Variants in TMCO5A observed in about 807,000 individuals in gnomAD.
TMCO5A encodes transmembrane and coiled-coil domains 5A, also known as transmembrane and coiled-coil domain-containing protein 5A.
TMCO5A carries 34 observed loss-of-function variants against 42.3 expected under a neutral mutation model. That is an observed-to-expected ratio of 0.80 (90% CI 0.61 to 1.07). The LOEUF is 1.07. Ranked by LOEUF, TMCO5A falls within the 50% of genes least tolerant of loss-of-function variation. TMCO5A has a pLI of 0.00. For missense variants in TMCO5A, 357 were observed against 327.9 expected, an observed-to-expected ratio of 1.09 and a Z score of -0.69; for synonymous variants, 131 against 115.6, an observed-to-expected ratio of 1.13 and a Z score of -0.86.
chr15:37,973,717 G>T, the TMCO5A span, among the ~76,000 whole-genome samples: 3 of 152,194 alleles, frequency 2.0e-5, no homozygotes, highest in Non-Finnish European at 2.9e-5. Context: ...TACAAAAGGA[G>T]ATAGTTTGAC....
intron 11 of TMCO5A, among the ~76,000 whole-genome samples, chr15:37,957,424 A>C (rs1053458644): frequency 7.2e-6 from 1 of 139,688 alleles, no homozygotes; most frequent in Non-Finnish European, 1.5e-5. Context: ...TGCAAAAATC[A>C]CAAGCATTCC....
chr15:37,936,731 T>G, intron 3 of TMCO5A, 116 bp from the exon 4 acceptor site: 1 of 1,430,812 alleles, frequency 7.0e-7, no homozygotes, highest in Non-Finnish European at 9.3e-7. Context: ...GGAAGAGTTT[T>G]CAGCTTGAGA....
the TMCO5A span, among the ~76,000 whole-genome samples, chr15:37,975,370 A>G: frequency 1.3e-5 from 2 of 152,140 alleles, no homozygotes; most frequent in East Asian, 1.9e-4. Flanking sequence ...TTGGTTATCT[A>G]AGTCTCTTTG....
the TMCO5A span, among the ~76,000 whole-genome samples, chr15:38,015,891 G>T: frequency 2.0e-5 from 3 of 152,202 alleles, no homozygotes; most frequent in African/African-American, 7.2e-5. Context: ...ATCAGTGGCT[G>T]CCCAGGGTTG....
At chr15:38,001,434 T>G in the TMCO5A span, among the ~76,000 whole-genome samples, 1 of 141,050 alleles carries the variant, frequency 7.1e-6, no homozygotes, top group Non-Finnish European at 1.5e-5. Context: ...TCATTGGATC[T>G]TGTTTTTTTT....
the TMCO5A span, among the ~76,000 whole-genome samples, chr15:37,976,039 T>C: frequency 6.7e-6 from 1 of 149,390 alleles, no homozygotes; most frequent in Non-Finnish European, 1.5e-5. Context: ...AGGTCAGGAG[T>C]TTGCGACTAG....
intron 11 of TMCO5A, among the ~76,000 whole-genome samples, chr15:37,959,179 T>C (rs946687386): frequency 2.6e-5 from 4 of 152,000 alleles, no homozygotes; most frequent in African/African-American, 9.7e-5. Context: ...TATGGGTTGA[T>C]GGGTGCAGCA....
chr15:37,966,791 C>T, exon 12 of TMCO5A: 1 of 681,128 alleles, frequency 1.5e-6, no homozygotes, highest in Non-Finnish European at 2.7e-6. Flanking sequence ...CCCTGTCCCA[C>T]AGTCAATGTG....
the TMCO5A span, among the ~76,000 whole-genome samples, chr15:37,986,896 T>A: frequency 1.4e-4 from 21 of 152,212 alleles, no homozygotes; most frequent in African/African-American, 5.1e-4. Flanking sequence ...CTTCAAGATT[T>A]TCCTTTCAAT....
intron 11 of TMCO5A, among the ~76,000 whole-genome samples, chr15:37,948,223 A>T (rs532515903): frequency 1.4e-4 from 21 of 152,234 alleles, no homozygotes; most frequent in Admixed American, 1.1e-3. Context: ...CTGAGTAGAT[A>T]TTCATCCTGA....
At chr15:37,972,287 A>G (rs546066333), downstream of TMCO5A, among the ~76,000 whole-genome samples, 15 of 152,264 alleles carry the variant, frequency 9.9e-5, no homozygotes, top group South Asian at 2.3e-3. Flanking sequence ...GACAGCATGG[A>G]AAAGACCTGC....
the TMCO5A span, among the ~76,000 whole-genome samples, chr15:38,019,569 A>C: frequency 0.03 from 4,631 of 152,062 alleles, 254 homozygotes; most frequent in African/African-American, 0.11. Context: ...AACCTCCCCC[A>C]CTGTCAGCAT....
the TMCO5A span, among the ~76,000 whole-genome samples, chr15:38,022,251 C>T: frequency 6.6e-6 from 1 of 152,126 alleles, no homozygotes; most frequent in Non-Finnish European, 1.5e-5. Context: ...TTGGAAGCAA[C>T]CAAGATGGCT....
At chr15:37,985,601 A>C in the TMCO5A span, among the ~76,000 whole-genome samples, 1 of 152,196 alleles carries the variant, frequency 6.6e-6, no homozygotes, top group Non-Finnish European at 1.5e-5. Flanking sequence ...TAATCAGTTA[A>C]ATTGACTTTC....
downstream of TMCO5A, among the ~76,000 whole-genome samples, chr15:37,951,788 T>C (rs2140289224): frequency 6.6e-6 from 1 of 152,224 alleles, no homozygotes; most frequent in Admixed American, 6.5e-5. Flanking sequence ...AGCACCTTTT[T>C]AAGAATCAAA....
chr15:37,942,152 C>A, intron 8 of TMCO5A, 39 bp from the exon 9 acceptor site: 1 of 1,592,644 alleles, frequency 6.3e-7, no homozygotes, highest in South Asian at 1.1e-5. Flanking sequence ...TGTAAACCTT[C>A]TAAGTAGTAA....
the TMCO5A span, among the ~76,000 whole-genome samples, chr15:37,982,769 T>G: frequency 1.4e-5 from 2 of 145,630 alleles, no homozygotes; most frequent in African/African-American, 5.0e-5. Flanking sequence ...ATAAATATAT[T>G]GAGTTATATT....
At chr15:37,958,012 G>A (rs1463788279) in intron 11 of TMCO5A, among the ~76,000 whole-genome samples, 1 of 152,084 alleles carries the variant, frequency 6.6e-6, no homozygotes, top group Non-Finnish European at 1.5e-5. Flanking sequence ...TTTAATAAAT[G>A]GTGTTGGGAA....
rs376973850 is a variant in TMCO5A, at chr15:37,965,918, CA to C, written c.669-704del. 3.1e-3 allele frequency among the ~76,000 whole-genome samples: 476 copies of C among 152,088 alleles called. 6 individuals are homozygous for C. The highest frequency in any genetic ancestry group is 0.011 in the African/African-American group (462 of 41,516). ...CCCACTGCTGGGTATATACTCAAAA[CA>C]AAGGAAATCAGTACATTGAAGAGCT... On this transcript the variant is annotated intron_variant, in intron 11 of 11. Transcript: ENST00000559502.
Sources: gnomAD v4.1 joint callset for allele counts (sites outside exome capture counted in the v4.1 genomes callset) on GRCh38, gnomAD v4.1.1 for gene constraint, MANE v1.5 for transcripts, NCBI Gene and HGNC (gene_info 2026-07-23, HGNC 2026-07-21) for gene names.